The following PUM1 variants were observed in gnomAD, a reference collection of about 807,000 sequenced individuals.
PUM1 encodes the protein pumilio RNA binding family member 1.
A neutral mutation model predicts 131.8 loss-of-function variants in PUM1; 13 were observed. That is an observed-to-expected ratio of 0.10 (90% CI 0.06 to 0.16). PUM1 has a LOEUF of 0.16. Among genes scored for constraint, PUM1 ranks in the 10% least tolerant of loss-of-function variants. The pLI is 1.00. For missense variants in PUM1, 961 were observed against 1,512.4 expected, an observed-to-expected ratio of 0.64 and a Z score of 6.05; for synonymous variants, 509 against 556.5, an observed-to-expected ratio of 0.91 and a Z score of 1.20.
chr1:30,959,209 T>C (rs1640301837), intron 14 of PUM1, among the ~76,000 whole-genome samples: 1 of 152,174 alleles, frequency 6.6e-6, no homozygotes, highest in South Asian at 2.1e-4. Context: ...AAAGAAATAA[T>C]GCTAGTACTC....
In PUM1 at chr1:30,999,718, A is replaced by G. The variant is rs1024496647; in HGVS notation, c.721-4498T>C. 2.5e-4 allele frequency among the ~76,000 whole-genome samples: 37 copies of G among 150,908 alleles called. 1 individual carries two copies. The highest frequency in any genetic ancestry group is 8.3e-4 in the African/African-American group (34 of 41,128). Reference sequence around the variant, plus strand: ...ACTTACTGGTCACAGGACTTTGGACAGGTCATTTAATCTCTGAGACTTTGT... The same window carrying G: ...ACTTACTGGTCACAGGACTTTGGACGGGTCATTTAATCTCTGAGACTTTGT... On this transcript the variant is annotated intron_variant, in intron 5 of 21. Coordinates refer to ENST00000426105, the MANE Select transcript of PUM1 (RefSeq NM_001020658.2).
chr1:30,972,630 C>A (rs1005595392), intron 10 of PUM1, among the ~76,000 whole-genome samples: 1 of 149,340 alleles, frequency 6.7e-6, no homozygotes, highest in African/African-American at 2.5e-5. Flanking sequence ...AAAAATTAGC[C>A]AGGTGTGGCG....
chr1:30,993,645 C>T (rs1329713161), intron 6 of PUM1, among the ~76,000 whole-genome samples: 1 of 152,112 alleles, frequency 6.6e-6, no homozygotes, highest in Admixed American at 6.6e-5. Flanking sequence ...CCACCACCAC[C>T]ACCAGCCCCC....
intron 9 of PUM1, among the ~76,000 whole-genome samples, chr1:30,978,395 TAGCAG>T (rs1165294622): frequency 6.6e-6 from 1 of 152,248 alleles, no homozygotes; most frequent in Non-Finnish European, 1.5e-5. Flanking sequence ...TAATGATGGT[TAGCAG>T]AGATCATTCT....
At chr1:31,011,858 G>GGGGA (rs1467903329) in intron 3 of PUM1, among the ~76,000 whole-genome samples, 1 of 152,168 alleles carries the variant, frequency 6.6e-6, no homozygotes, top group Admixed American at 6.5e-5. Flanking sequence ...GAATAACTTA[G>GGGGA]CAGTAAGAGG....
At chr1:30,941,608 C>T (rs150143797) in intron 19 of PUM1, among the ~76,000 whole-genome samples, 1 of 152,120 alleles carries the variant, frequency 6.6e-6, no homozygotes, top group African/African-American at 2.4e-5. Context: ...TTATGTCCAA[C>T]AAAAAACAAG....
At chr1:31,053,044 CCT>C (rs1644150630) in intron 2 of PUM1, among the ~76,000 whole-genome samples, 1 of 144,696 alleles carries the variant, frequency 6.9e-6, no homozygotes, top group Non-Finnish European at 1.5e-5. Flanking sequence ...ACAGAGTCTC[CCT>C]CTGTCACCCA....
At chr1:31,002,635 C>A (rs1642257991) in intron 5 of PUM1, among the ~76,000 whole-genome samples, 1 of 152,016 alleles carries the variant, frequency 6.6e-6, no homozygotes, top group African/African-American at 2.4e-5. Flanking sequence ...GGGGTGAGCA[C>A]CTGTTCTACT....
intron 2 of PUM1, among the ~76,000 whole-genome samples, chr1:31,035,192 G>A (rs563692194): frequency 3.9e-5 from 6 of 152,110 alleles, no homozygotes; most frequent in South Asian, 4.2e-4. Flanking sequence ...TTGAGCCTGC[G>A]ACCAGCCTGG....
At chr1:30,981,957 C>T (rs1329784314) in intron 7 of PUM1, 1 of 152,188 alleles carries the variant, frequency 6.6e-6, no homozygotes, top group Admixed American at 6.5e-5. Context: ...GTGTTCACTT[C>T]ATCCTCTGAG....
chr1:31,059,419 G>A lies in PUM1; in HGVS notation c.148C>T (p.Pro50Ser). Residue 50 changes from proline to serine, a missense_variant, in exon 2 of 22, where the codon CCA (proline) becomes TCA (serine). By Grantham distance (74) the Pro-to-Ser change is moderately conservative. Transcript: ENST00000426105. ...GCTGCAAGAGCCTGATTTGCAGCTG[G>A]TTGTGGCTGCGCTTGCGACCCTGTT... Reference protein sequence around the residue: ...SGTGSQAQPQPAANQALAAGT... With the variant: ...SGTGSQAQPQSAANQALAAGT... 6.2e-7 allele frequency: 1 copy of A among 1,614,190 alleles called. No individual in the cohort carries two copies. Among genetic ancestry groups the A allele is most frequent in the Non-Finnish European group, 8.5e-7 (1 of 1,180,028 alleles).
At chr1:31,044,684 A>G (rs189699783) in intron 2 of PUM1, among the ~76,000 whole-genome samples, 30 of 152,212 alleles carry the variant, frequency 2.0e-4, no homozygotes, top group Middle Eastern at 3.4e-3. Flanking sequence ...ACTGAACTAT[A>G]TATTTTTTTT....
intron 13 of PUM1, among the ~76,000 whole-genome samples, chr1:30,965,214 G>A (rs1640571480): frequency 6.6e-6 from 1 of 152,140 alleles, no homozygotes; most frequent in Admixed American, 6.6e-5. Flanking sequence ...GAAGAAAATG[G>A]ACTAGAAGAA....
intron 1 of PUM1, chr1:31,062,022 C>T (rs1056371846): frequency 8.5e-5 from 13 of 152,186 alleles, no homozygotes; most frequent in African/African-American, 2.9e-4. Flanking sequence ...GAAAGGTAGC[C>T]ATTATTATTT....
At chr1:31,044,387 G>A (rs1459866048) in intron 2 of PUM1, among the ~76,000 whole-genome samples, 3 of 152,154 alleles carry the variant, frequency 2.0e-5, no homozygotes, top group South Asian at 4.2e-4. Context: ...GGGCGACAGC[G>A]AGACTCCATC....
chr1:31,057,530 G>C (rs1177790353), intron 2 of PUM1, among the ~76,000 whole-genome samples: 1 of 151,216 alleles, frequency 6.6e-6, no homozygotes, highest in Non-Finnish European at 1.5e-5. Context: ...TTCAAGACCA[G>C]CCCGGCCAAC....
rs1639675181 is a variant in PUM1 at position 30,946,474 on chromosome 1, T to C, written c.2857-991A>G. On this transcript the variant is annotated intron_variant, in intron 17 of 21. Coordinates refer to ENST00000426105, the MANE Select transcript of PUM1 (RefSeq NM_001020658.2). ...CAAGATGGTGAAACCCCATCTCTACTAAAAATACAAAAATTAGCTGGGCAT... is the reference window on the plus strand; with the variant it reads ...CAAGATGGTGAAACCCCATCTCTACCAAAAATACAAAAATTAGCTGGGCAT... Among the ~76,000 whole-genome samples the C allele has an allele frequency of 3.3e-5, 5 of 151,518 alleles. No individual in the cohort carries two copies. In the South Asian group the frequency reaches 1.0e-3, roughly 32 times the overall value.
intron 5 of PUM1, among the ~76,000 whole-genome samples, chr1:31,003,152 C>T (rs1642274971): frequency 1.3e-5 from 2 of 152,180 alleles, no homozygotes; most frequent in African/African-American, 4.8e-5. Flanking sequence ...GTTGATACAG[C>T]TACCCCAAAA....
At chr1:30,968,100 C>T in intron 11 of PUM1, 2 of 635,098 alleles carry the variant, frequency 3.1e-6, no homozygotes, top group East Asian at 3.2e-5. Flanking sequence ...ACAGATAATC[C>T]ACCAAGGAAA....
Sources: allele counts gnomAD v4.1 joint callset (sites outside exome capture counted in the v4.1 genomes callset), GRCh38; gene constraint gnomAD v4.1.1; transcripts MANE v1.5; gene names NCBI Gene and HGNC (gene_info 2026-07-23, HGNC 2026-07-21).